Variants in ORC4 observed in about 807,000 individuals in gnomAD.
ORC4 encodes origin recognition complex subunit 4.
Under a neutral mutation model 63.9 loss-of-function variants are expected in ORC4, and 55 were observed. The observed-to-expected ratio is 0.86, with a 90% CI of 0.69 to 1.08. ORC4 has a LOEUF of 1.08. ORC4 is among the 50% of genes least tolerant of loss of function. The pLI, the probability that ORC4 is intolerant of heterozygous loss-of-function variation, is 0.00. For missense variants in ORC4, 511 were observed against 504.4 expected (o/e 1.01, Z -0.13); for synonymous variants, 150 against 168.5 (o/e 0.89, Z 0.85).
chr2:148,005,392 G>A lies in ORC4; in HGVS notation c.-18+15241C>T, dbSNP rs146541930. On this transcript the variant is annotated intron_variant, in intron 1 of 13. Coordinates refer to ENST00000392857, the MANE Select transcript of ORC4 (RefSeq NM_181741.4). The stretch of plus-strand genomic sequence containing the variant: ...ACAGGGAGGGCAACATCACACACTG[G>A]GGCCTGCTGGGGGATGGGGGGGCTA... Among the ~76,000 whole-genome samples the A allele has an allele frequency of 1.9e-3, 296 of 152,036 alleles. 3 individuals are homozygous for A. Among genetic ancestry groups the A allele is most frequent in the African/African-American group, 6.9e-3 (287 of 41,442 alleles).
chr2:147,961,438 G>GAAAAAAAAAA (rs11296909), intron 4 of ORC4, among the ~76,000 whole-genome samples: 1 of 127,414 alleles, frequency 7.8e-6, no homozygotes, highest in African/African-American at 3.1e-5. Context: ...CTCTGTCAAA[G>GAAAAAAAAAA]AAAAAAAAAA....
intron 4 of ORC4, among the ~76,000 whole-genome samples, chr2:147,962,165 G>A (rs1409003236): frequency 1.3e-5 from 2 of 152,110 alleles, no homozygotes; most frequent in African/African-American, 2.4e-5. Flanking sequence ...GTAGTCAGGA[G>A]GGACTTCCCG....
chr2:147,989,977 G>C (rs1691484674), intron 1 of ORC4, among the ~76,000 whole-genome samples: 1 of 152,034 alleles, frequency 6.6e-6, no homozygotes, highest in African/African-American at 2.4e-5. Flanking sequence ...GCAGATGGGG[G>C]CATTACTTTG....
intron 1 of ORC4, among the ~76,000 whole-genome samples, chr2:147,984,062 A>T (rs1023447403): frequency 8.5e-5 from 13 of 152,226 alleles, no homozygotes; most frequent in Admixed American, 2.6e-4. Context: ...CAGGTACTGG[A>T]ATCAAAGCAA....
chr2:147,989,598 C>T (rs1441414622), intron 1 of ORC4, among the ~76,000 whole-genome samples: 1 of 151,924 alleles, frequency 6.6e-6, no homozygotes, highest in Non-Finnish European at 1.5e-5. Flanking sequence ...CCCAGCTACT[C>T]AGGAGACTTG....
At chr2:147,995,272 G>T (rs1691889494) in intron 1 of ORC4, among the ~76,000 whole-genome samples, 1 of 150,796 alleles carries the variant, frequency 6.6e-6, no homozygotes, top group South Asian at 2.1e-4. Context: ...CAGCACTCTG[G>T]TCTAGCTAAA....
intron 7 of ORC4, 32 bp from the exon 8 acceptor site, chr2:147,952,556 G>A (rs779064665): frequency 6.6e-7 from 1 of 1,518,988 alleles, no homozygotes; most frequent in Non-Finnish European, 9.1e-7. Flanking sequence ...ACATTAATAA[G>A]AAATTATATC....
At chr2:147,936,944 G>A (rs1202907231) in intron 13 of ORC4, 1 of 150,892 alleles carries the variant, frequency 6.6e-6, no homozygotes, top group Non-Finnish European at 1.5e-5. Flanking sequence ...GCTTAACTTG[G>A]GAGGCAGAGG....
chr2:147,965,460 T>A (rs2105332053), intron 4 of ORC4, among the ~76,000 whole-genome samples: 1 of 151,814 alleles, frequency 6.6e-6, no homozygotes, highest in South Asian at 2.1e-4. Flanking sequence ...ATAAAAGTGA[T>A]AAGAAAGTTG....
At chr2:147,981,214 G>A (rs1218454669) in intron 1 of ORC4, among the ~76,000 whole-genome samples, 1 of 152,148 alleles carries the variant, frequency 6.6e-6, no homozygotes, top group African/African-American at 2.4e-5. Context: ...CTGAAATCAT[G>A]GATAGTACCC....
chr2:147,964,519 A>G (rs1323898554), intron 4 of ORC4, among the ~76,000 whole-genome samples: 1 of 152,200 alleles, frequency 6.6e-6, no homozygotes, highest in Non-Finnish European at 1.5e-5. Context: ...TGAGAAAAAC[A>G]TATTTAATAA....
At chr2:148,017,984 C>A (rs1158189023) in intron 1 of ORC4, among the ~76,000 whole-genome samples, 2 of 152,146 alleles carry the variant, frequency 1.3e-5, no homozygotes. Flanking sequence ...ATAAGACCTA[C>A]ATGAAGATAA....
intron 4 of ORC4, among the ~76,000 whole-genome samples, chr2:147,961,735 T>C (rs1689603328): frequency 6.6e-6 from 1 of 152,180 alleles, no homozygotes; most frequent in Non-Finnish European, 1.5e-5. Flanking sequence ...GGGCTCTGGT[T>C]TAAAAAGCAA....
intron 1 of ORC4, among the ~76,000 whole-genome samples, chr2:147,995,836 A>G (rs1691930477): frequency 1.3e-5 from 2 of 152,172 alleles, no homozygotes. Context: ...CTGCGGCTTC[A>G]TTCTTGAAGT....
chr2:147,975,192 C>A (rs1558855134), intron 2 of ORC4, among the ~76,000 whole-genome samples: 3 of 152,084 alleles, frequency 2.0e-5, no homozygotes. Context: ...AAATACCATG[C>A]TCATTTCCCT....
chr2:147,966,749 C>T (rs997976492), intron 4 of ORC4, among the ~76,000 whole-genome samples: 1 of 152,094 alleles, frequency 6.6e-6, no homozygotes, highest in Admixed American at 6.6e-5. Context: ...TACTGGATGG[C>T]TTTGCTGCTG....
chr2:148,012,585 A>C (rs1693036088), intron 1 of ORC4, among the ~76,000 whole-genome samples: 1 of 152,130 alleles, frequency 6.6e-6, no homozygotes, highest in Non-Finnish European at 1.5e-5. Flanking sequence ...AAAATAAAAT[A>C]AAATAACAAC....
At chr2:147,991,024 G>A (rs1691553392) in intron 1 of ORC4, among the ~76,000 whole-genome samples, 1 of 150,636 alleles carries the variant, frequency 6.6e-6, no homozygotes, top group African/African-American at 2.4e-5. Flanking sequence ...ACACACATAT[G>A]AATATAAACG....
intron 1 of ORC4, among the ~76,000 whole-genome samples, chr2:147,988,804 A>G (rs962901780): frequency 9.2e-5 from 14 of 152,236 alleles, no homozygotes; most frequent in African/African-American, 2.6e-4. Flanking sequence ...AAAAAAAAAA[A>G]AAGATTTACT....
Sources: allele counts gnomAD v4.1 joint callset (sites outside exome capture counted in the v4.1 genomes callset), GRCh38; gene constraint gnomAD v4.1.1; transcripts MANE v1.5; gene names NCBI Gene and HGNC (gene_info 2026-07-23, HGNC 2026-07-21).